The following KHDRBS2 variants were observed in gnomAD, a reference collection of about 807,000 sequenced individuals.
The protein encoded by KHDRBS2 is KH RNA binding domain containing, signal transduction associated 2.
In KHDRBS2, 26 loss-of-function variants were observed where a neutral mutation model predicts 44.3. That is an observed-to-expected ratio of 0.59 (90% CI 0.43 to 0.81). The LOEUF (loss-of-function observed/expected upper bound fraction) is 0.81, where lower values mean the gene tolerates loss of function less well. Among genes scored for constraint, KHDRBS2 ranks in the 40% least tolerant of loss-of-function variants. KHDRBS2 has a pLI of 0.00. For missense variants in KHDRBS2, 476 were observed against 433.1 expected (o/e 1.10, Z -0.88); for synonymous variants, 194 against 151.1 (o/e 1.28, Z -2.08).
At chr6:62,280,647 G>A (rs1429123553) in intron 1 of KHDRBS2, among the ~76,000 whole-genome samples, 1 of 152,186 alleles carries the variant, frequency 6.6e-6, no homozygotes, top group Non-Finnish European at 1.5e-5. Flanking sequence ...AAGTTTGAAG[G>A]AAACAAGGAA....
intron 2 of KHDRBS2, among the ~76,000 whole-genome samples, chr6:62,063,354 G>A (rs926200802): frequency 2.0e-5 from 3 of 151,580 alleles, no homozygotes; most frequent in East Asian, 3.9e-4. Context: ...CAATATCCTT[G>A]ATGAACATTG....
intron 2 of KHDRBS2, among the ~76,000 whole-genome samples, chr6:62,092,675 A>C (rs565425200): frequency 3.3e-5 from 5 of 152,348 alleles, no homozygotes; most frequent in Admixed American, 1.3e-4. Context: ...ATGAATTTAT[A>C]AATGACCTTT....
At chr6:62,132,961 T>C (rs531667530) in intron 2 of KHDRBS2, among the ~76,000 whole-genome samples, 1 of 152,326 alleles carries the variant, frequency 6.6e-6, no homozygotes, top group African/African-American at 2.4e-5. Flanking sequence ...CGTTTTTCCA[T>C]AAAGGGCCAC....
chr6:61,734,602 T>A (rs1324247399), intron 6 of KHDRBS2, among the ~76,000 whole-genome samples: 1 of 152,104 alleles, frequency 6.6e-6, no homozygotes, highest in East Asian at 1.9e-4. Context: ...ATCATAATTT[T>A]TCATTAGTCA....
chr6:62,134,431 C>A (rs1378219991), intron 2 of KHDRBS2, among the ~76,000 whole-genome samples: 1 of 152,206 alleles, frequency 6.6e-6, no homozygotes, highest in Non-Finnish European at 1.5e-5. Flanking sequence ...CAGAAGCTTT[C>A]TGCAGGGCCG....
the KHDRBS2 span, among the ~76,000 whole-genome samples, chr6:61,636,213 A>G: frequency 7.9e-5 from 12 of 152,224 alleles, no homozygotes; most frequent in South Asian, 2.1e-3. Context: ...TGTTCAAATG[A>G]CATCTGCAAA....
intron 7 of KHDRBS2, among the ~76,000 whole-genome samples, chr6:61,714,215 C>A (rs12110915): frequency 0.011 from 1,713 of 151,418 alleles, 31 homozygotes; most frequent in African/African-American, 0.04. Context: ...ACAAAAAAAC[C>A]CCCAAATAAT....
At chr6:61,787,978 T>A (rs1399049311) in intron 6 of KHDRBS2, among the ~76,000 whole-genome samples, 1 of 151,670 alleles carries the variant, frequency 6.6e-6, no homozygotes, top group African/African-American at 2.4e-5. Context: ...AATATATCAT[T>A]GTTAGAGACA....
intron 6 of KHDRBS2, among the ~76,000 whole-genome samples, chr6:61,852,518 C>T (rs542465734): frequency 7.0e-4 from 105 of 150,688 alleles, no homozygotes; most frequent in Middle Eastern, 3.4e-3. Flanking sequence ...GAGACGAGAT[C>T]GCACCACTGC....
At chr6:61,637,751 T>C in the KHDRBS2 span, among the ~76,000 whole-genome samples, 2 of 152,140 alleles carry the variant, frequency 1.3e-5, no homozygotes, top group Non-Finnish European at 2.9e-5. Context: ...TGGTATCTCA[T>C]TGTGGTTTTG....
chr6:62,279,595 G>A (rs1353151958), intron 1 of KHDRBS2, among the ~76,000 whole-genome samples: 1 of 152,142 alleles, frequency 6.6e-6, no homozygotes, highest in African/African-American at 2.4e-5. Context: ...AGTAGTGGTG[G>A]ATAGGTTGAA....
intron 6 of KHDRBS2, among the ~76,000 whole-genome samples, chr6:61,848,735 A>G (rs1404558757): frequency 6.7e-6 from 1 of 149,576 alleles, no homozygotes; most frequent in Non-Finnish European, 1.5e-5. Flanking sequence ...CTGCAATCAC[A>G]TATTTATATC....
chr6:62,115,157 T>C (rs370224664), intron 2 of KHDRBS2, among the ~76,000 whole-genome samples: 2 of 152,176 alleles, frequency 1.3e-5, no homozygotes, highest in East Asian at 3.8e-4. Flanking sequence ...AATGTTTTCA[T>C]AGCTGTCTGA....
chr6:62,051,703 T>G (rs1413359670), intron 2 of KHDRBS2, among the ~76,000 whole-genome samples: 3 of 151,984 alleles, frequency 2.0e-5, no homozygotes, highest in African/African-American at 7.2e-5. Flanking sequence ...AACAACAGCC[T>G]CTGGATTGGG....
intron 6 of KHDRBS2, among the ~76,000 whole-genome samples, chr6:61,868,741 G>A (rs564861006): frequency 6.6e-6 from 1 of 152,288 alleles, no homozygotes; most frequent in Non-Finnish European, 1.5e-5. Flanking sequence ...CCCCCACCAA[G>A]GAGTTGGGTC....
At chr6:61,757,193 A>G (rs1211908068) in intron 6 of KHDRBS2, among the ~76,000 whole-genome samples, 4 of 152,082 alleles carry the variant, frequency 2.6e-5, no homozygotes, top group Non-Finnish European at 5.9e-5. Flanking sequence ...AGTTGGTAGT[A>G]TTGTTCAAGT....
the KHDRBS2 span, among the ~76,000 whole-genome samples, chr6:61,645,723 A>T: frequency 6.6e-6 from 1 of 152,212 alleles, no homozygotes; most frequent in African/African-American, 2.4e-5. Flanking sequence ...CCTAAGGAGC[A>T]TAATAACACA....
intron 4 of KHDRBS2, among the ~76,000 whole-genome samples, chr6:61,938,457 C>T (rs1472142305): frequency 1.3e-5 from 2 of 152,200 alleles, no homozygotes; most frequent in East Asian, 1.9e-4. Flanking sequence ...GCAGGTCAAC[C>T]ACATTGGAGA....
intron 2 of KHDRBS2, among the ~76,000 whole-genome samples, chr6:62,074,787 C>G (rs1304062276): frequency 2.0e-5 from 3 of 151,760 alleles, no homozygotes; most frequent in Admixed American, 2.0e-4. Context: ...TCTTCATATC[C>G]TCTAGGACCT....
Sources: allele counts gnomAD v4.1 joint callset (sites outside exome capture counted in the v4.1 genomes callset), GRCh38; gene constraint gnomAD v4.1.1; transcripts MANE v1.5; gene names NCBI Gene and HGNC (gene_info 2026-07-23, HGNC 2026-07-21).